The following CDH20 variants were observed in gnomAD, a reference collection of about 807,000 sequenced individuals.
CDH20 encodes cadherin-20.
A neutral mutation model predicts 74.2 loss-of-function variants in CDH20; 29 were observed. The observed-to-expected ratio is 0.39, with a 90% CI of 0.29 to 0.53. The LOEUF (loss-of-function observed/expected upper bound fraction) is 0.53. CDH20 is among the 20% of genes least tolerant of loss of function. The pLI is 0.69. For missense variants in CDH20, 988 were observed against 1,048.3 expected, an observed-to-expected ratio of 0.94 and a Z score of 0.79; for synonymous variants, 469 against 405.4, an observed-to-expected ratio of 1.16 and a Z score of -1.88.
intron 1 of CDH20, among the ~76,000 whole-genome samples, chr18:61,421,862 G>A (rs147554681): frequency 1.3e-3 from 196 of 152,102 alleles, no homozygotes; most frequent in African/African-American, 4.2e-3. Flanking sequence ...AATTCCACTG[G>A]AAAAATTTTA....
chr18:61,512,531 A>C (rs537400971), intron 6 of CDH20, among the ~76,000 whole-genome samples: 13 of 151,068 alleles, frequency 8.6e-5, no homozygotes, highest in Admixed American at 7.4e-4. Flanking sequence ...AGTGTCTATA[A>C]AGTACTCTCG....
At chr18:61,517,695 T>TGTTG (rs1555682482) in intron 6 of CDH20, among the ~76,000 whole-genome samples, 11 of 151,916 alleles carry the variant, frequency 7.2e-5, no homozygotes, top group African/African-American at 2.4e-4. Flanking sequence ...TGCAGTTTTT[T>TGTTG]TTGTTGTTGT....
chr18:61,555,587 G>A lies in CDH20; in HGVS notation c.*892G>A, dbSNP rs1348182738. On this transcript the variant is annotated 3_prime_UTR_variant, in exon 12 of 12. Coordinates refer to ENST00000262717, the MANE Select transcript of CDH20 (RefSeq NM_031891.4). ...TAGAGGGCTTTCCTAATCTGTGTGA[G>A]GTCAATCCAAGGGATGTTTACATAC... The A allele has an allele frequency of 3.0e-6, 3 of 984,934 alleles. No homozygotes were observed. The highest frequency in any genetic ancestry group is 3.6e-6 in the Non-Finnish European group (3 of 829,690). 61.0% of individuals were successfully genotyped at this position (984,934 alleles called of 1,614,324 possible). A position where few individuals can be genotyped will look rare whatever the true frequency, so the allele number is the denominator to read the frequency against.
intron 1 of CDH20, among the ~76,000 whole-genome samples, chr18:61,398,006 T>A (rs780467713): frequency 6.6e-6 from 1 of 152,224 alleles, no homozygotes; most frequent in African/African-American, 2.4e-5. Flanking sequence ...GTCTCCCAAC[T>A]GTGATTCACT....
chr18:61,483,455 G>T (rs1910659092), intron 1 of CDH20, among the ~76,000 whole-genome samples: 1 of 152,164 alleles, frequency 6.6e-6, no homozygotes, highest in African/African-American at 2.4e-5. Context: ...TGGAATCCTT[G>T]TAAGGATTAA....
At chr18:61,475,271 C>A (rs966452421) in intron 1 of CDH20, among the ~76,000 whole-genome samples, 2 of 152,082 alleles carry the variant, frequency 1.3e-5, no homozygotes, top group Admixed American at 1.3e-4. Flanking sequence ...TCTAAGTAGC[C>A]AGATATAGGG....
At chr18:61,421,376 A>C (rs1384460503) in intron 1 of CDH20, among the ~76,000 whole-genome samples, 1 of 152,176 alleles carries the variant, frequency 6.6e-6, no homozygotes, top group African/African-American at 2.4e-5. Context: ...TTATCTTTTC[A>C]AATTTACTGT....
At chr18:61,524,025 C>G (rs951061310) in intron 6 of CDH20, among the ~76,000 whole-genome samples, 2 of 151,778 alleles carry the variant, frequency 1.3e-5, no homozygotes, top group African/African-American at 4.8e-5. Context: ...CAAACCTGCA[C>G]GTTCTGCACA....
intron 6 of CDH20, among the ~76,000 whole-genome samples, chr18:61,525,964 ATTTTTTTTT>A (rs1006282537): frequency 4.6e-4 from 39 of 84,382 alleles, no homozygotes; most frequent in African/African-American, 2.1e-3. Flanking sequence ...CACCCAGCTA[ATTTTTTTTT>A]TTTTTTTTTT....
intron 1 of CDH20, among the ~76,000 whole-genome samples, chr18:61,386,425 G>A (rs947490304): frequency 7.9e-5 from 12 of 152,124 alleles, no homozygotes; most frequent in Non-Finnish European, 1.6e-4. Context: ...AACTGAATCT[G>A]CCTATGATGT....
rs886921132 is a variant in CDH20 at position 61,436,446 on chromosome 18, T to C, written c.-152-53956T>C. 7.2e-5 allele frequency among the ~76,000 whole-genome samples: 11 copies of C among 152,308 alleles called. No homozygotes were observed. In the East Asian group the frequency reaches 2.1e-3, roughly 29 times the overall value. ...ATTATCAGTCTTTTTATTCTAGCTA[T>C]CCTAGTGGATGTAAAGTGCTGTCTC... is the stretch of plus-strand genomic sequence containing the variant. On this transcript the variant is annotated intron_variant, in intron 1 of 11. Coordinates refer to ENST00000262717, the MANE Select transcript of CDH20 (RefSeq NM_031891.4).
At chr18:61,531,943 C>A (rs1347254546) in intron 7 of CDH20, among the ~76,000 whole-genome samples, 1 of 152,202 alleles carries the variant, frequency 6.6e-6, no homozygotes, top group East Asian at 1.9e-4. Flanking sequence ...AAACCTCTTT[C>A]CCTATAAATA....
chr18:61,479,899 T>C (rs1413279005), intron 1 of CDH20, among the ~76,000 whole-genome samples: 1 of 152,184 alleles, frequency 6.6e-6, no homozygotes, highest in Admixed American at 6.5e-5. Flanking sequence ...TTTACCATTT[T>C]GCTAAAATAC....
chr18:61,374,896 C>T (rs1296914789), intron 1 of CDH20, among the ~76,000 whole-genome samples: 1 of 152,106 alleles, frequency 6.6e-6, no homozygotes, highest in Non-Finnish European at 1.5e-5. Flanking sequence ...TTTCCTCACC[C>T]AATTTACATG....
At chr18:61,422,673 AT>A (rs1222661343) in intron 1 of CDH20, among the ~76,000 whole-genome samples, 15 of 152,064 alleles carry the variant, frequency 9.9e-5, no homozygotes, top group African/African-American at 3.4e-4. Context: ...TGAGCTTTTG[AT>A]TACATGACAT....
chr18:61,350,957 C>T (rs1170925651), intron 1 of CDH20, among the ~76,000 whole-genome samples: 1 of 152,136 alleles, frequency 6.6e-6, no homozygotes, highest in Non-Finnish European at 1.5e-5. Context: ...CCTGTGTGCC[C>T]AGGAAGAGGA....
chr18:61,441,849 C>A (rs541892216), intron 1 of CDH20, among the ~76,000 whole-genome samples: 6 of 152,262 alleles, frequency 3.9e-5, no homozygotes, highest in African/African-American at 1.4e-4. Context: ...ACTCCACATT[C>A]TCTGCCAAGC....
At chr18:61,416,673 A>G (rs896394259) in intron 1 of CDH20, among the ~76,000 whole-genome samples, 4 of 152,254 alleles carry the variant, frequency 2.6e-5, no homozygotes, top group East Asian at 1.9e-4. Flanking sequence ...GGTGTCACCA[A>G]TGGCATTTCT....
At chr18:61,549,717 T>C (rs1219929370) in intron 10 of CDH20, 2 of 422,470 alleles carry the variant, frequency 4.7e-6, no homozygotes, top group Non-Finnish European at 8.4e-6. Flanking sequence ...GGGCACTTTA[T>C]GTCACAAAGG....
Sources: gnomAD v4.1 joint callset for allele counts (sites outside exome capture counted in the v4.1 genomes callset) on GRCh38, gnomAD v4.1.1 for gene constraint, MANE v1.5 for transcripts, NCBI Gene and HGNC (gene_info 2026-07-23, HGNC 2026-07-21) for gene names.